The following MSRA variants were observed in gnomAD, a reference collection of about 807,000 sequenced individuals.
The protein encoded by MSRA is methionine sulfoxide reductase A.
Under a neutral mutation model 31.3 loss-of-function variants are expected in MSRA, and 54 were observed. That is an observed-to-expected ratio of 1.73 (90% CI 1.39 to 2.17). The LOEUF (loss-of-function observed/expected upper bound fraction) is 2.17. Ranked by LOEUF, MSRA falls within the 30% of genes most tolerant of loss-of-function variation. The pLI is 0.00. For missense variants in MSRA, 507 were observed against 300.9 expected (o/e 1.69, Z -5.07); for synonymous variants, 169 against 116.5 (o/e 1.45, Z -2.90).
chr8:10,232,632 T>G (rs1324062881), intron 2 of MSRA, among the ~76,000 whole-genome samples: 1 of 152,210 alleles, frequency 6.6e-6, no homozygotes, highest in East Asian at 1.9e-4. Flanking sequence ...ATTTGAACTT[T>G]CTTTAAGGTT....
At chr8:10,316,733 G>C (rs1306645852) in intron 4 of MSRA, among the ~76,000 whole-genome samples, 4 of 152,166 alleles carry the variant, frequency 2.6e-5, no homozygotes, top group Non-Finnish European at 1.5e-5. Flanking sequence ...TATATTCATA[G>C]GGCTTGTCTC....
chr8:10,236,241 A>G (rs895757222), intron 2 of MSRA, among the ~76,000 whole-genome samples: 2 of 152,170 alleles, frequency 1.3e-5, no homozygotes, highest in Non-Finnish European at 1.5e-5. Flanking sequence ...TCAGCATTGT[A>G]TGGAAGGTCC....
intron 4 of MSRA, among the ~76,000 whole-genome samples, chr8:10,315,730 G>A (rs575902028): frequency 6.6e-6 from 1 of 152,234 alleles, no homozygotes; most frequent in East Asian, 1.9e-4. Context: ...TTTAAGATTT[G>A]GACTTGCAAT....
intron 3 of MSRA, among the ~76,000 whole-genome samples, chr8:10,261,249 TATAC>T (rs1798465347): frequency 6.6e-6 from 1 of 152,198 alleles, no homozygotes; most frequent in Non-Finnish European, 1.5e-5. Flanking sequence ...ACATTTAGTA[TATAC>T]ATTTGTGTTA....
At chr8:10,078,655 C>G (rs953938102) in intron 1 of MSRA, among the ~76,000 whole-genome samples, 1 of 152,270 alleles carries the variant, frequency 6.6e-6, no homozygotes, top group Admixed American at 6.5e-5. Context: ...GCAGGAGAGG[C>G]TGAGGCCCAC....
chr8:10,410,029 C>T (rs1012523991), intron 5 of MSRA, among the ~76,000 whole-genome samples: 1 of 152,190 alleles, frequency 6.6e-6, no homozygotes, highest in South Asian at 2.1e-4. Context: ...CACTGCACTC[C>T]CCCCTGGGTT....
chr8:10,076,861 G>C (rs1199060969), intron 1 of MSRA, among the ~76,000 whole-genome samples: 1 of 152,082 alleles, frequency 6.6e-6, no homozygotes, highest in East Asian at 1.9e-4. Flanking sequence ...TAAGAGCAGA[G>C]GATGGGGGGC....
intron 3 of MSRA, among the ~76,000 whole-genome samples, chr8:10,253,191 G>C (rs1358292560): frequency 2.0e-5 from 3 of 152,128 alleles, no homozygotes; most frequent in Non-Finnish European, 4.4e-5. Flanking sequence ...TCCCCTTCAG[G>C]CCATTGGCTA....
intron 2 of MSRA, among the ~76,000 whole-genome samples, chr8:10,218,977 C>G (rs980635435): frequency 1.3e-5 from 2 of 152,148 alleles, no homozygotes; most frequent in African/African-American, 4.8e-5. Flanking sequence ...GATCTTCTCT[C>G]TCGTTCTTTC....
At chr8:10,336,722 A>G (rs1803070191) in intron 5 of MSRA, 1 of 152,206 alleles carries the variant, frequency 6.6e-6, no homozygotes, top group Non-Finnish European at 1.5e-5. Flanking sequence ...GTATTTATTC[A>G]TACATTAGAG....
intron 5 of MSRA, among the ~76,000 whole-genome samples, chr8:10,354,123 C>G (rs535976999): frequency 6.6e-6 from 1 of 152,292 alleles, no homozygotes; most frequent in South Asian, 2.1e-4. Context: ...ATTTTTGAAT[C>G]TTTGGTTAGC....
chr8:10,252,678 C>T (rs7845806), intron 3 of MSRA, among the ~76,000 whole-genome samples: 32,737 of 152,152 alleles, frequency 0.22, 4,171 homozygotes, highest in Admixed American at 0.33. Context: ...CCTGCAGAAT[C>T]AGGGCAAGTG....
At chr8:10,201,209 A>T (rs976964529) in intron 1 of MSRA, among the ~76,000 whole-genome samples, 1 of 152,022 alleles carries the variant, frequency 6.6e-6, no homozygotes, top group Non-Finnish European at 1.5e-5. Flanking sequence ...TCAGTGTAGT[A>T]GCAGCTGGAT....
At chr8:10,286,709 G>A (rs909950330) in intron 3 of MSRA, among the ~76,000 whole-genome samples, 5 of 152,230 alleles carry the variant, frequency 3.3e-5, no homozygotes, top group African/African-American at 1.2e-4. Context: ...TCCAAGAGCA[G>A]GCTCAGTGTA....
intron 3 of MSRA, among the ~76,000 whole-genome samples, chr8:10,261,420 A>G (rs1798477392): frequency 1.3e-5 from 2 of 150,756 alleles, no homozygotes; most frequent in Non-Finnish European, 3.0e-5. Flanking sequence ...ATAAGGCCAG[A>G]TGTGGTGGCT....
chr8:10,088,270 A>G (rs888509374), intron 1 of MSRA, among the ~76,000 whole-genome samples: 1 of 152,224 alleles, frequency 6.6e-6, no homozygotes, highest in Non-Finnish European at 1.5e-5. Context: ...GGAAAACAGC[A>G]TGAAGGTTCC....
intron 3 of MSRA, among the ~76,000 whole-genome samples, chr8:10,272,437 C>G (rs544860816): frequency 6.6e-6 from 1 of 152,162 alleles, no homozygotes; most frequent in Non-Finnish European, 1.5e-5. Flanking sequence ...TGTCTCAGCT[C>G]AATCCTTCAA....
At chr8:10,385,691 G>A (rs1217245333) in intron 5 of MSRA, among the ~76,000 whole-genome samples, 2 of 152,090 alleles carry the variant, frequency 1.3e-5, no homozygotes, top group South Asian at 2.1e-4. Context: ...CCAAGAGGCA[G>A]TGAAGTCATG....
intron 1 of MSRA, among the ~76,000 whole-genome samples, chr8:10,112,537 A>G (rs1488016717): frequency 6.6e-6 from 1 of 152,222 alleles, no homozygotes; most frequent in Admixed American, 6.5e-5. Context: ...AAATACAAAT[A>G]CTGGAAAAAG....
Sources: allele counts gnomAD v4.1 joint callset (sites outside exome capture counted in the v4.1 genomes callset), GRCh38; gene constraint gnomAD v4.1.1; transcripts MANE v1.5; gene names NCBI Gene and HGNC (gene_info 2026-07-23, HGNC 2026-07-21).